Variants in ANKS1A observed in about 807,000 individuals in gnomAD.
The protein encoded by ANKS1A is ankyrin repeat and SAM domain-containing protein 1A.
Under a neutral mutation model 120.3 loss-of-function variants are expected in ANKS1A, and 55 were observed. The ratio of observed to expected loss-of-function variants is 0.46; its 90% CI spans 0.37 to 0.57. The LOEUF (loss-of-function observed/expected upper bound fraction) is 0.57, where lower values mean the gene tolerates loss of function less well. ANKS1A is among the 20% of genes least tolerant of loss of function. ANKS1A has a pLI of 0.00. For synonymous variants in ANKS1A, 590 were observed against 604.7 expected (o/e 0.98, Z 0.36); for missense variants, 1,123 against 1,480.3 (o/e 0.76, Z 3.96).
Position 35,060,157 on chromosome 6 carries a change from G to A in ANKS1A, c.2088G>A (p.Thr696=), listed in dbSNP as rs752675124. ...QERQKISGLR[T]LEQSVGEWLE... is the part of the protein sequence containing the mutation. Reference sequence around the variant, plus strand: ...TTCCTCTCTCATCAGGTTTACGGACGCTGGAGCAGAGTGTCGGGGAGTGGC... The same window carrying A: ...TTCCTCTCTCATCAGGTTTACGGACACTGGAGCAGAGTGTCGGGGAGTGGC... The change falls in exon 13 of 24, where the codon ACG becomes ACA. Residue 696 remains threonine (T), a synonymous_variant. Coordinates refer to ENST00000360359, the MANE Select transcript of ANKS1A (RefSeq NM_015245.3). The surrounding 1 kb of genome is among the most constrained non-coding windows in gnomAD (Gnocchi z 4.5). 9 of 1,613,496 alleles carry A rather than the reference G, an allele frequency of 5.6e-6. No individual in the cohort carries two copies. The highest frequency in any genetic ancestry group is 5.5e-5 in the South Asian group (5 of 90,866).
chr6:34,917,395 C>A (rs977013681), intron 1 of ANKS1A, among the ~76,000 whole-genome samples: 1 of 152,204 alleles, frequency 6.6e-6, no homozygotes, highest in African/African-American at 2.4e-5. Flanking sequence ...TTGGGACTTT[C>A]CATGTTGATG....
rs755301954 is a variant in ANKS1A, at chr6:34,981,890, C to T, written c.636C>T (p.Asn212=). ...LNAHPNLLSC[N]TKKHTPLHLA... is the part of the protein sequence containing the mutation. ...CACACCCCAACCTCCTGAGCTGCAA[C>T]ACTAAGAAGCACACCCCTCTGCACT... Residue 212 remains asparagine (N), a synonymous_variant, in exon 4 of 24, where the codon AAC becomes AAT. Coordinates refer to ENST00000360359, the MANE Select transcript of ANKS1A (RefSeq NM_015245.3). 131 of 1,614,044 alleles carry T rather than the reference C, an allele frequency of 8.1e-5. No homozygotes were observed. The Admixed American group carries it at 1.5e-3, about 18-fold the overall frequency.
intron 1 of ANKS1A, among the ~76,000 whole-genome samples, chr6:34,938,856 C>T (rs1174801716): frequency 6.6e-6 from 1 of 152,184 alleles, no homozygotes; most frequent in Non-Finnish European, 1.5e-5. Context: ...GGCGTGGTGG[C>T]GCACGCCTGT....
chr6:35,040,145 G>C (rs1346520667), intron 11 of ANKS1A, among the ~76,000 whole-genome samples: 1 of 152,166 alleles, frequency 6.6e-6, no homozygotes, highest in Non-Finnish European at 1.5e-5. Context: ...CTTCATCAAG[G>C]GCTGCTCCAT....
At chr6:34,948,657 C>T (rs1235116649) in intron 1 of ANKS1A, among the ~76,000 whole-genome samples, 1 of 152,158 alleles carries the variant, frequency 6.6e-6, no homozygotes, top group East Asian at 1.9e-4. Flanking sequence ...ATAACCTCAC[C>T]CCCATTCCTT....
intron 3 of ANKS1A, among the ~76,000 whole-genome samples, chr6:34,979,585 T>G (rs952907126): frequency 6.6e-6 from 1 of 152,072 alleles, no homozygotes; most frequent in Non-Finnish European, 1.5e-5. Flanking sequence ...AAAGTTTTTT[T>G]GTTTTTTTGG....
chr6:35,080,058 G>A, intron 16 of ANKS1A, 130 bp downstream of exon 16: 1 of 1,038,216 alleles, frequency 9.6e-7, no homozygotes, highest in Non-Finnish European at 1.4e-6. Context: ...GAAGAGAGGA[G>A]TACAGGAGAG....
intron 13 of ANKS1A, among the ~76,000 whole-genome samples, chr6:35,077,654 A>G (rs1191815584): frequency 6.6e-6 from 1 of 152,190 alleles, no homozygotes; most frequent in Non-Finnish European, 1.5e-5. Context: ...GACTTCTGTA[A>G]TTAGAGACGT....
chr6:34,908,855 C>A (rs1767767549), intron 1 of ANKS1A, among the ~76,000 whole-genome samples: 1 of 151,616 alleles, frequency 6.6e-6, no homozygotes, highest in Non-Finnish European at 1.5e-5. Flanking sequence ...GGGTTGTCTT[C>A]TGTCACAGGG....
chr6:35,064,180 A>T (rs2127593706), intron 13 of ANKS1A, among the ~76,000 whole-genome samples: 1 of 152,272 alleles, frequency 6.6e-6, no homozygotes, highest in African/African-American at 2.4e-5. Flanking sequence ...AGTGCCCCAC[A>T]CCAGGCAAAA....
chr6:34,917,838 G>T (rs1161823515), intron 1 of ANKS1A, among the ~76,000 whole-genome samples: 2 of 152,198 alleles, frequency 1.3e-5, no homozygotes, highest in East Asian at 3.8e-4. Context: ...AGCTGAGAGT[G>T]GGGGCTGATA....
intron 3 of ANKS1A, among the ~76,000 whole-genome samples, chr6:34,975,459 A>C (rs1397404018): frequency 6.7e-6 from 1 of 149,240 alleles, no homozygotes; most frequent in African/African-American, 2.5e-5. Flanking sequence ...AAAAAAAAAA[A>C]CAACAAAAAA....
chr6:34,957,711 T>G (rs2127498314), intron 1 of ANKS1A, among the ~76,000 whole-genome samples: 1 of 152,322 alleles, frequency 6.6e-6, no homozygotes, highest in Middle Eastern at 3.4e-3. Context: ...ACTTGATGCT[T>G]TGAGTCGTTG....
chr6:35,062,116 C>G (rs955480007), intron 13 of ANKS1A, among the ~76,000 whole-genome samples: 15 of 152,234 alleles, frequency 9.9e-5, no homozygotes, highest in African/African-American at 3.6e-4. Flanking sequence ...GCCAAAGCTT[C>G]ATGCACAGGG....
chr6:34,941,648 C>G (rs1769543624), intron 1 of ANKS1A, among the ~76,000 whole-genome samples: 1 of 152,124 alleles, frequency 6.6e-6, no homozygotes, highest in Non-Finnish European at 1.5e-5. Context: ...ATCTAATGAA[C>G]ATATAGCTTC....
At chr6:35,034,189 A>G (rs190538647) in intron 11 of ANKS1A, among the ~76,000 whole-genome samples, 2 of 152,314 alleles carry the variant, frequency 1.3e-5, no homozygotes, top group African/African-American at 2.4e-5. Flanking sequence ...AAGGAACAGC[A>G]TATGTGTGTT....
At chr6:34,893,704 C>T (rs1766931373) in intron 1 of ANKS1A, among the ~76,000 whole-genome samples, 1 of 152,128 alleles carries the variant, frequency 6.6e-6, no homozygotes, top group Admixed American at 6.5e-5. Context: ...GTCTGTGTAA[C>T]AGGCCAACAA....
rs1181287395 is a variant in ANKS1A, at chr6:34,938,522, G to A, written c.198-28717G>A. ...ATGGCTCTGTGCCATGCACATAACC[G>A]AACACACTCATTCTTCCATCCCTCC... On this transcript the variant is annotated intron_variant, in intron 1 of 23. Transcript: ENST00000360359. 2.6e-5 allele frequency among the ~76,000 whole-genome samples: 4 copies of A among 152,294 alleles called. No homozygotes were observed. In the East Asian group the frequency reaches 5.8e-4, roughly 22 times the overall value.
At chr6:35,014,129 C>A (rs1254535127) in intron 10 of ANKS1A, among the ~76,000 whole-genome samples, 1 of 152,170 alleles carries the variant, frequency 6.6e-6, no homozygotes, top group Non-Finnish European at 1.5e-5. Flanking sequence ...ATTATCCTTA[C>A]TTTGCAGAAG....
Sources: allele counts gnomAD v4.1 joint callset (sites outside exome capture counted in the v4.1 genomes callset), GRCh38; gene constraint gnomAD v4.1.1; non-coding constraint Gnocchi (gnomAD v3.1); transcripts MANE v1.5; gene names NCBI Gene and HGNC (gene_info 2026-07-23, HGNC 2026-07-21).